KLHL10: variants seen among roughly 807,000 people sequenced by gnomAD.
KLHL10 encodes kelch like family member 10, also known as kelch-like protein 10.
A neutral mutation model predicts 46.6 loss-of-function variants in KLHL10; 11 were observed. The ratio of observed to expected loss-of-function variants is 0.24; its 90% CI spans 0.15 to 0.39. The LOEUF is 0.39. Among genes scored for constraint, KLHL10 ranks in the 10% least tolerant of loss-of-function variants. The pLI is 1.00. For synonymous variants in KLHL10, 254 were observed against 279.1 expected, an observed-to-expected ratio of 0.91 and a Z score of 0.90; for missense variants, 475 against 789.8, an observed-to-expected ratio of 0.60 and a Z score of 4.78.
intron 3 of KLHL10, among the ~76,000 whole-genome samples, chr17:41,846,312 G>A (rs978955456): frequency 2.0e-5 from 3 of 151,946 alleles, no homozygotes; most frequent in Admixed American, 6.6e-5. Context: ...CACAAGGTCA[G>A]GAGATTGAGA....
upstream of KLHL10, among the ~76,000 whole-genome samples, chr17:41,836,913 T>G (rs2048168584): frequency 6.6e-6 from 1 of 152,180 alleles, no homozygotes. Flanking sequence ...CAGAAAGGGC[T>G]CTGTTAACTA....
intron 1 of KLHL10, among the ~76,000 whole-genome samples, chr17:41,838,973 G>A (rs1555620467): frequency 6.6e-6 from 1 of 151,782 alleles, no homozygotes; most frequent in African/African-American, 2.4e-5. Flanking sequence ...ACAGGCATTA[G>A]CCACCGCGCC....
At chr17:41,839,200 C>T (rs573022107) in intron 1 of KLHL10, among the ~76,000 whole-genome samples, 7 of 152,242 alleles carry the variant, frequency 4.6e-5, no homozygotes, top group East Asian at 3.9e-4. Context: ...CCATGTTGGT[C>T]AGTCTGGTCT....
Position 41,848,046 on chromosome 17 carries a change from C to T in KLHL10, c.1566C>T (p.Ile522=), listed in dbSNP as rs372462204. 4 of 1,614,158 alleles carry T rather than the reference C, an allele frequency of 2.5e-6. No individual in the cohort carries two copies. The highest frequency in any genetic ancestry group is 2.7e-5 in the African/African-American group (2 of 75,026). The change falls in exon 5 of 5, where the codon ATC becomes ATT. Residue 522 remains isoleucine, a synonymous_variant. Coordinates refer to ENST00000293303, the MANE Select transcript of KLHL10 (RefSeq NM_152467.5). ...TMFNPRSNFG[I]EVVDDLLFVV... is the part of the protein sequence containing the mutation. The stretch of plus-strand genomic sequence containing the variant: ...TTAATCCTCGTAGCAATTTTGGCAT[C>T]GAGGTGGTGGATGACCTCTTGTTTG...
intron 2 of KLHL10, among the ~76,000 whole-genome samples, chr17:41,844,647 C>G (rs1275647407): frequency 1.3e-5 from 2 of 150,528 alleles, no homozygotes; most frequent in Admixed American, 1.3e-4. Flanking sequence ...CTCCCTGGCT[C>G]AAGCGATTCT....
rs1368927362 is a variant in KLHL10 at position 41,837,990 on chromosome 17, A to C, written c.58A>C (p.Lys20Gln). 8 of 1,613,980 alleles carry C rather than the reference A, an allele frequency of 5.0e-6. No homozygotes were observed. In the East Asian group the frequency reaches 1.6e-4, roughly 31 times the overall value. ...TTTCCACCAGCCTCACATGGAGAGG[A>C]AGATGAGTGCGATGGCCTGTGAGAT... is the stretch of plus-strand genomic sequence containing the variant. The part of the protein sequence containing the change: ...TRFHQPHMER[K>Q]MSAMACEIFN... The change falls in exon 1 of 5, where the codon AAG becomes CAG. Residue 20 changes from lysine to glutamine, a missense_variant. By Grantham distance (53) the Lys-to-Gln change is moderately conservative. Coordinates refer to ENST00000293303, the MANE Select transcript of KLHL10 (RefSeq NM_152467.5).
rs1279591318 is a variant in KLHL10, at chr17:41,838,688, G to A, written c.194+562G>A. 9.2e-5 allele frequency among the ~76,000 whole-genome samples: 11 copies of A among 120,206 alleles called. No homozygotes were observed. In the East Asian group the frequency reaches 2.7e-3, roughly 29 times the overall value. 78.9% of individuals were successfully genotyped at this position (120,206 alleles called of 152,430 possible). On this transcript the variant is annotated intron_variant, in intron 1 of 4. Transcript: ENST00000293303. Reference sequence around the variant, plus strand: ...TTTTCCTTTTGCTCTTGAGAGATCTGATTTTTGTCTTTTTTTTTTGAGATG... The same window carrying A: ...TTTTCCTTTTGCTCTTGAGAGATCTAATTTTTGTCTTTTTTTTTTGAGATG...
In KLHL10 at chr17:41,848,112, T is replaced by C. The variant is rs138673661; in HGVS notation, c.1632T>C (p.Val544=). 6.2e-7 allele frequency: 1 copy of C among 1,614,146 alleles called. No homozygotes were observed. Among genetic ancestry groups the C allele is most frequent in the East Asian group, 2.2e-5 (1 of 44,880 alleles). ...ATGGTTTTACCACCACCTTTAATGT[T>C]GAGTGCTATGATGAAAAGACCGATG... ...GFNGFTTTFN[V]ECYDEKTDEW... is the part of the protein sequence containing the mutation. Residue 544 remains valine (V), a synonymous_variant, in exon 5 of 5, where the codon GTT becomes GTC. Coordinates refer to ENST00000293303, the MANE Select transcript of KLHL10 (RefSeq NM_152467.5).
intron 2 of KLHL10, among the ~76,000 whole-genome samples, chr17:41,843,211 T>A (rs1038962888): frequency 6.6e-6 from 1 of 151,992 alleles, no homozygotes; most frequent in African/African-American, 2.4e-5. Context: ...AGGTAGAAGT[T>A]GAATTAGAAA....
intron 1 of KLHL10, among the ~76,000 whole-genome samples, chr17:41,839,876 C>A (rs1298843017): frequency 9.6e-6 from 1 of 104,602 alleles, no homozygotes; most frequent in Non-Finnish European, 2.0e-5. Flanking sequence ...CCACATCTGG[C>A]TAATTTTTCT....
intron 3 of KLHL10, 86 bp downstream of exon 3, chr17:41,845,829 A>G: frequency 6.5e-7 from 1 of 1,530,582 alleles, no homozygotes; most frequent in Middle Eastern, 1.7e-4. Context: ...TGGATGGAAG[A>G]CGCAGTGGCA....
At chr17:41,847,458 G>T in intron 4 of KLHL10, 48 bp downstream of exon 4, 5 of 1,602,800 alleles carry the variant, frequency 3.1e-6, no homozygotes, top group Non-Finnish European at 2.6e-6. Flanking sequence ...ATTACCCCTA[G>T]ATTTTGTATT....
chr17:41,841,459 C>T (rs1164092837), intron 1 of KLHL10, among the ~76,000 whole-genome samples: 1 of 152,196 alleles, frequency 6.6e-6, no homozygotes, highest in East Asian at 1.9e-4. Flanking sequence ...GGACTACAGG[C>T]ATGTGCCACC....
At chr17:41,837,564 C>T, upstream of KLHL10, 1 of 1,075,876 alleles carries the variant, frequency 9.3e-7, no homozygotes, top group Non-Finnish European at 1.1e-6. Context: ...TAGATGAATG[C>T]TCCAGGGATA....
rs138895962 is a variant in KLHL10 at position 41,838,603 on chromosome 17, G to A, written c.194+477G>A. Among the ~76,000 whole-genome samples, 253 of 148,922 alleles carry A rather than the reference G, an allele frequency of 1.7e-3. 1 individual carries two copies. The highest frequency in any genetic ancestry group is 5.8e-3 in the African/African-American group (236 of 40,486). ...CCTGGCTCCTTTGCCTTCTGAAGAG[G>A]CATGACTAGGGTCAGGGCCTTTTTT... On this transcript the variant is annotated intron_variant, in intron 1 of 4. Coordinates refer to ENST00000293303, the MANE Select transcript of KLHL10 (RefSeq NM_152467.5).
chr17:41,847,146 AAAAG>A, intron 3 of KLHL10, 111 bp from the exon 4 acceptor site: 2 of 938,530 alleles, frequency 2.1e-6, no homozygotes, highest in South Asian at 1.3e-5. Flanking sequence ...ACATACAAAA[AAAAG>A]AAATTCAGAC....
chr17:41,841,640 C>A, intron 1 of KLHL10, 183 bp from the exon 2 acceptor site: 1 of 673,104 alleles, frequency 1.5e-6, no homozygotes, highest in Non-Finnish European at 2.5e-6. Flanking sequence ...ACTCTCAGTT[C>A]TAGATCTTAA....
Position 41,845,398 on chromosome 17 carries a change from G to C in KLHL10, c.957G>C (p.Val319=). The change falls in exon 3 of 5, where the codon GTG becomes GTC. Residue 319 remains valine (V), a synonymous_variant. Coordinates refer to ENST00000293303, the MANE Select transcript of KLHL10 (RefSeq NM_152467.5). Reference sequence around the variant, plus strand: ...ATGACGCTCGGGCAGACAGATGGGTGAATGTTACTTGTGAGGAAGAGAGTC... The same window carrying C: ...ATGACGCTCGGGCAGACAGATGGGTCAATGTTACTTGTGAGGAAGAGAGTC... The part of the protein sequence containing the change: ...EAYDARADRW[V]NVTCEEESPR... 6.2e-7 allele frequency: 1 copy of C among 1,614,238 alleles called. No individual in the cohort carries two copies. The highest frequency in any genetic ancestry group is 8.5e-7 in the Non-Finnish European group (1 of 1,180,038).
rs782149818 is a variant in KLHL10 at position 41,845,701 on chromosome 17, C to T, written c.1260C>T (p.His420=). 8.7e-6 allele frequency: 14 copies of T among 1,612,670 alleles called. No individual in the cohort carries two copies. Among genetic ancestry groups the T allele is most frequent in the African/African-American group, 8.0e-5 (6 of 74,796 alleles). The change falls in exon 3 of 5, where the codon CAC becomes CAT. Residue 420 remains histidine, a synonymous_variant. Coordinates refer to ENST00000293303, the MANE Select transcript of KLHL10 (RefSeq NM_152467.5). ...AATGGACACTCATCGCCCCCATGCA[C>T]GAACAGAGGAGTGATGCAAGCGCCA... The part of the protein sequence containing the change: ...TNQWTLIAPM[H]EQRSDASATT...
Sources: allele counts gnomAD v4.1 joint callset (sites outside exome capture counted in the v4.1 genomes callset), GRCh38; gene constraint gnomAD v4.1.1; transcripts MANE v1.5; gene names NCBI Gene and HGNC (gene_info 2026-07-23, HGNC 2026-07-21).